The following PSG4 variants were observed in gnomAD, a reference collection of about 807,000 sequenced individuals.
The protein encoded by PSG4 is pregnancy-specific beta-1-glycoprotein 4.
Under a neutral mutation model 44.3 loss-of-function variants are expected in PSG4, and 61 were observed. The observed-to-expected ratio is 1.38, with a 90% CI of 1.12 to 1.70. The LOEUF (loss-of-function observed/expected upper bound fraction) is 1.70. PSG4 is among the 40% of genes most tolerant of loss of function. The pLI is 0.00. For missense variants in PSG4, 677 were observed against 511.7 expected (o/e 1.32, Z -3.12); for synonymous variants, 248 against 191.3 (o/e 1.30, Z -2.45).
At position 43,193,113 on chromosome 19, in the gene PSG4, T is replaced by A. The variant is rs1313308327; in HGVS notation, c.*259A>T. On this transcript the variant is annotated 3_prime_UTR_variant, in exon 6 of 6. Transcript: ENST00000405312. ...GTGGGAGCCTTATCATGATGGGGAG[T>A]CTTGTTCTGACATCTTTGGAAAAAC... 1.5e-6 allele frequency: 1 copy of A among 647,314 alleles called. No homozygotes were observed. The highest frequency in any genetic ancestry group is 2.7e-5 in the East Asian group (1 of 36,886). 40.1% of individuals were successfully genotyped at this position (647,314 alleles called of 1,614,324 possible). A position where few individuals can be genotyped will look rare whatever the true frequency, so the allele number is the denominator to read the frequency against.
chr19:43,193,949 G>T lies in PSG4; in HGVS notation c.1243+391C>A, dbSNP rs967817114. Reference sequence around the variant, plus strand: ...GAGCAAAAGTAAATGTTTCAATTACGGTTCCCAGAAGTATAGTTTATTGAA... The same window carrying T: ...GAGCAAAAGTAAATGTTTCAATTACTGTTCCCAGAAGTATAGTTTATTGAA... On this transcript the variant is annotated intron_variant, in intron 5 of 5. Coordinates refer to ENST00000405312, the MANE Select transcript of PSG4 (RefSeq NM_002780.5). 119 of 770,814 alleles carry T rather than the reference G, an allele frequency of 1.5e-4. 2 individuals carry two copies. The highest frequency in any genetic ancestry group is 1.0e-3 in the South Asian group (71 of 68,748). 47.7% of individuals were successfully genotyped at this position (770,814 alleles called of 1,614,324 possible).
In PSG4 at chr19:43,197,854, C is replaced by T. The variant is rs1469120925; in HGVS notation, c.709+143G>A. The T allele has an allele frequency of 1.1e-5, 17 of 1,525,266 alleles. 1 individual carries two copies. Among genetic ancestry groups the T allele is most frequent in the Admixed American group, 1.8e-5 (1 of 54,236 alleles). The allele number at this position is 1,525,266 out of a possible 1,614,324, so 94.5% of individuals were successfully genotyped here. On this transcript the variant is annotated intron_variant, in intron 3 of 5. Coordinates refer to ENST00000405312, the MANE Select transcript of PSG4 (RefSeq NM_002780.5). ...CAAGCCTAGGCCTACTCTGGTTTGCCTGGGGCAGAAAGTCATGGCCAGCTT... is the reference window on the plus strand; with the variant it reads ...CAAGCCTAGGCCTACTCTGGTTTGCTTGGGGCAGAAAGTCATGGCCAGCTT...
rs1318226340 is a variant in PSG4, at chr19:43,198,235, ATT to A, written c.469_470del (p.Asn157SerfsTer13). The A allele has an allele frequency of 6.3e-7, 1 of 1,586,926 alleles. No homozygotes were observed. Among genetic ancestry groups the A allele is most frequent in the Non-Finnish European group, 8.5e-7 (1 of 1,171,710 alleles). On this transcript the variant is annotated frameshift_variant, in exon 3 of 6. Coordinates refer to ENST00000405312, the MANE Select transcript of PSG4 (RefSeq NM_002780.5). LOFTEE classifies it high-confidence loss of function. ...TCACAGCCTCCATGGCCTCCCTGGG[ATT>A]TAAGTTGCTGCTGGAGATGGAGGGC... ...PKPSISSSNL[N>X]PREAMEAVIL...
rs1196334113 is a variant in PSG4, at chr19:43,204,317, G to A, written c.65-66C>T. The stretch of plus-strand genomic sequence containing the variant: ...GTATTGGGGTGAAAAGATGGGTCCT[G>A]AGAAGGTCTCTTCAATCCTCAGCCT... On this transcript the variant is annotated intron_variant, in intron 1 of 5. Transcript: ENST00000405312. 9 of 1,459,914 alleles carry A rather than the reference G, an allele frequency of 6.2e-6. 1 individual carries two copies. Among genetic ancestry groups the A allele is most frequent in the African/African-American group, 3.1e-5 (2 of 64,722 alleles). The allele number at this position is 1,459,914 out of a possible 1,614,324, so 90.4% of individuals were successfully genotyped here.
intron 3 of PSG4, among the ~76,000 whole-genome samples, chr19:43,195,530 A>T (rs1162775231): frequency 6.6e-6 from 1 of 151,330 alleles, no homozygotes; most frequent in Admixed American, 6.6e-5. Context: ...GGACAGACAT[A>T]TCAGTGGGAG....
Position 43,193,261 on chromosome 19 carries a change from T to C in PSG4, c.*111A>G, listed in dbSNP as rs1269430616. ...CATGTCAGGTACAAGGGTTTTCCCATGAAATTTACATCGAGTTGTCCACCT... is the reference window on the plus strand; with the variant it reads ...CATGTCAGGTACAAGGGTTTTCCCACGAAATTTACATCGAGTTGTCCACCT... On this transcript the variant is annotated 3_prime_UTR_variant, in exon 6 of 6. Coordinates refer to ENST00000405312, the MANE Select transcript of PSG4 (RefSeq NM_002780.5). The C allele has an allele frequency of 3.9e-6, 3 of 767,730 alleles. No homozygotes were observed. Among genetic ancestry groups the C allele is most frequent in the Non-Finnish European group, 7.2e-6 (3 of 417,498 alleles). The allele number at this position is 767,730 out of a possible 1,614,324, so 47.6% of individuals were successfully genotyped here. A position where few individuals can be genotyped will look rare whatever the true frequency, so the allele number is the denominator to read the frequency against.
rs368197071 is a variant in PSG4 at position 43,204,274 on chromosome 19, G to A, written c.65-23C>T. The A allele has an allele frequency of 2.1e-5, 33 of 1,547,374 alleles. 3 individuals carry two copies. Among genetic ancestry groups the A allele is most frequent in the Non-Finnish European group, 2.7e-5 (31 of 1,151,088 alleles). On this transcript the variant is annotated intron_variant, in intron 1 of 5. Transcript: ENST00000405312. ...ATGCTAGGAGGTACAGAGAGCATCAGTTAATATTGAGACCTATGTATTGGG... is the reference window on the plus strand; with the variant it reads ...ATGCTAGGAGGTACAGAGAGCATCAATTAATATTGAGACCTATGTATTGGG...
chr19:43,205,111 C>CTTTTTT lies in PSG4; in HGVS notation c.64+356_64+361dup, dbSNP rs59165427. Among the ~76,000 whole-genome samples, 16 of 90,840 alleles carry CTTTTTT rather than the reference C, an allele frequency of 1.8e-4. 3 individuals are homozygous for CTTTTTT. In the South Asian group the frequency reaches 2.2e-3, roughly 12 times the overall value. 59.6% of individuals were successfully genotyped at this position (90,840 alleles called of 152,430 possible). A position where few individuals can be genotyped will look rare whatever the true frequency, so the allele number is the denominator to read the frequency against. On this transcript the variant is annotated intron_variant, in intron 1 of 5. Transcript: ENST00000405312. ...TTCTTTTTTCTTTTTTTCCTTTTTT[C>CTTTTTT]TTTTTTTTTTTTTTGAGACGGAGTC...
At position 43,195,008 on chromosome 19, in the gene PSG4, G is replaced by A; in HGVS notation, c.975C>T (p.Thr325=). 3.1e-6 allele frequency: 5 copies of A among 1,611,834 alleles called. No homozygotes were observed. The African/African-American group carries it at 6.7e-5, about 22-fold the overall frequency. ...RYGGIRSDPV[T]LNVLYGPDLP... The stretch of plus-strand genomic sequence containing the variant: ...AAAGATACTCACAGAGGACATTCAG[G>A]GTGACTGGGTCACTGCGGATGCCAC... Residue 325 remains threonine (T), a synonymous_variant, in exon 4 of 6, where the codon ACC becomes ACT. Transcript: ENST00000405312.
intron 2 of PSG4, among the ~76,000 whole-genome samples, chr19:43,202,089 G>A (rs1431418567): frequency 6.9e-6 from 1 of 145,506 alleles, no homozygotes; most frequent in Non-Finnish European, 1.5e-5. Flanking sequence ...CAGTGTTAGC[G>A]GGAAAGGAAC....
At position 43,201,721 on chromosome 19, in the gene PSG4, G is replaced by A. The variant is rs1400482380; in HGVS notation, c.430+2165C>T. ...AAATCTCTAACCCCTGCTCCACTGG[G>A]GAGGCTGATTTGAGTACTAATCAAC... On this transcript the variant is annotated intron_variant, in intron 2 of 5. Coordinates refer to ENST00000405312, the MANE Select transcript of PSG4 (RefSeq NM_002780.5). Among the ~76,000 whole-genome samples, 4 of 145,276 alleles carry A rather than the reference G, an allele frequency of 2.8e-5. 1 individual carries two copies. The East Asian group carries it at 9.5e-4, about 34-fold the overall frequency.
At chr19:43,194,844 A>G (rs1967165341) in intron 4 of PSG4, 151 bp downstream of exon 4, 1 of 1,492,172 alleles carries the variant, frequency 6.7e-7, no homozygotes, top group African/African-American at 1.4e-5. Context: ...GTGCCTACCT[A>G]GGTTTTCCCA....
chr19:43,204,854 T>A (rs753268021), intron 1 of PSG4: 1 of 425,480 alleles, frequency 2.4e-6, no homozygotes, highest in African/African-American at 2.4e-5. Context: ...TTGAGGTTTC[T>A]TGCTGAGGAC....
At chr19:43,201,252 A>G (rs1160465416) in intron 2 of PSG4, among the ~76,000 whole-genome samples, 1 of 145,516 alleles carries the variant, frequency 6.9e-6, no homozygotes, top group Non-Finnish European at 1.5e-5. Context: ...CAGGAATGAT[A>G]ATAGTTCCTC....
At chr19:43,193,739 G>C in intron 5 of PSG4, 2 of 536,564 alleles carry the variant, frequency 3.7e-6, no homozygotes, top group Non-Finnish European at 6.7e-6. Flanking sequence ...AGTTCATATT[G>C]GTTCATTCTA....
intron 2 of PSG4, chr19:43,203,632 TCTC>T (rs1967619474): frequency 5.1e-6 from 3 of 582,614 alleles, no homozygotes; most frequent in South Asian, 4.3e-5. Flanking sequence ...CTGAGACTGA[TCTC>T]CTCCTGCTGA....
intron 5 of PSG4, chr19:43,193,995 A>G: frequency 1.1e-6 from 1 of 882,052 alleles, no homozygotes; most frequent in Non-Finnish European, 1.8e-6. Context: ...CTATAGATAG[A>G]TTAAAAGAAA....
At chr19:43,202,368 G>T (rs573029643) in intron 2 of PSG4, among the ~76,000 whole-genome samples, 1 of 144,590 alleles carries the variant, frequency 6.9e-6, no homozygotes, top group South Asian at 2.2e-4. Context: ...AGTTACATGA[G>T]GTGGGGTGGC....
intron 3 of PSG4, 54 bp from the exon 4 acceptor site, chr19:43,195,327 C>T: frequency 6.3e-7 from 1 of 1,592,378 alleles, no homozygotes; most frequent in African/African-American, 1.3e-5. Context: ...GATTCCTCCA[C>T]AGGCATACTT....
Sources: allele counts gnomAD v4.1 joint callset (sites outside exome capture counted in the v4.1 genomes callset), GRCh38; gene constraint gnomAD v4.1.1; transcripts MANE v1.5; gene names NCBI Gene and HGNC (gene_info 2026-07-23, HGNC 2026-07-21).